COL4A4: variants seen among roughly 807,000 people sequenced by gnomAD.
The protein encoded by COL4A4 is collagen alpha-4(IV) chain.
Under a neutral mutation model 192.9 loss-of-function variants are expected in COL4A4, and 105 were observed. That is an observed-to-expected ratio of 0.54 (90% CI 0.46 to 0.64). COL4A4 has a LOEUF of 0.64. Ranked by LOEUF, COL4A4 falls within the 30% of genes least tolerant of loss-of-function variation. The pLI is 0.00. For synonymous variants in COL4A4, 762 were observed against 769.9 expected (o/e 0.99, Z 0.17); for missense variants, 1,967 against 2,169.3 (o/e 0.91, Z 1.85).
At chr2:227,035,385 A>G (rs946314493) in intron 37 of COL4A4, among the ~76,000 whole-genome samples, 63 of 152,214 alleles carry the variant, frequency 4.1e-4, no homozygotes, top group African/African-American at 1.4e-3. Context: ...ATTCATTTTA[A>G]GCAAGTCCTC....
At position 227,032,166 on chromosome 2, in the gene COL4A4, C is replaced by T. The variant is rs781360383; in HGVS notation, c.3688G>A (p.Gly1230Ser). 2 of 1,614,030 alleles carry T rather than the reference C, an allele frequency of 1.2e-6. No individual in the cohort carries two copies. Among genetic ancestry groups the T allele is most frequent in the Admixed American group, 1.7e-5 (1 of 59,992 alleles). ...AGCTTACCTGGGGGTCCTGGGGGAC[C>T]TTTCTTTCCACGAGGACCTGGAGGA... ...ISPPGPRGKK[G>S]PPGPPGSSGP... Residue 1230 changes from glycine to serine, a missense_variant, in exon 39 of 48, where the codon GGT becomes AGT. By Grantham distance (56) the Gly-to-Ser change is moderately conservative. Transcript: ENST00000396625.
chr2:227,100,773 T>C (rs1045137921), intron 17 of COL4A4, among the ~76,000 whole-genome samples: 1 of 148,934 alleles, frequency 6.7e-6, no homozygotes, highest in African/African-American at 2.5e-5. Context: ...TGGGAGGTGA[T>C]TGAATTATGG....
At chr2:227,001,270 A>AT (rs1960897745), downstream of COL4A4, among the ~76,000 whole-genome samples, 1 of 151,732 alleles carries the variant, frequency 6.6e-6, no homozygotes, top group East Asian at 1.9e-4. Context: ...AATTTTTTGT[A>AT]TTTTTAGTAG....
the COL4A4 span, among the ~76,000 whole-genome samples, chr2:226,976,925 A>G: frequency 1.3e-5 from 2 of 152,194 alleles, no homozygotes; most frequent in Admixed American, 6.5e-5. Flanking sequence ...TCCCATTGAA[A>G]GAGCCATTAT....
intron 1 of COL4A4, among the ~76,000 whole-genome samples, chr2:227,155,691 G>A (rs1336135569): frequency 2.0e-5 from 3 of 152,044 alleles, no homozygotes; most frequent in South Asian, 4.2e-4. Flanking sequence ...ACAATGTGAG[G>A]CTAGCATTTG....
rs1054110396 is a variant in COL4A4, at chr2:227,007,088, C to T, written c.*237G>A. ...AAGTAAAGCCAGTTCTTCGATCATC[C>T]TCAGTAAAATAAGAGTATCTAGGCT... On this transcript the variant is annotated 3_prime_UTR_variant, in exon 48 of 48. Coordinates refer to ENST00000396625, the MANE Select transcript of COL4A4 (RefSeq NM_000092.5). 2.4e-5 allele frequency: 15 copies of T among 620,088 alleles called. No individual in the cohort carries two copies. In the Admixed American group the frequency reaches 2.5e-4, roughly 10 times the overall value. The allele number at this position is 620,088 out of a possible 1,614,324, so 38.4% of individuals were successfully genotyped here. A position where few individuals can be genotyped will look rare whatever the true frequency, so the allele number is the denominator to read the frequency against.
At chr2:227,102,667 G>T (rs146141669) in intron 15 of COL4A4, 122 bp downstream of exon 15, 5 of 831,286 alleles carry the variant, frequency 6.0e-6, no homozygotes, top group Admixed American at 1.8e-5. Context: ...CGTCCAAAAT[G>T]TTTTGTTCTT....
chr2:226,980,938 C>T, the COL4A4 span, among the ~76,000 whole-genome samples: 5 of 152,198 alleles, frequency 3.3e-5, no homozygotes, highest in East Asian at 1.9e-4. Flanking sequence ...AATATCTCTC[C>T]GTAGCAGAGA....
At chr2:227,159,448 T>C (rs1275258327) in intron 1 of COL4A4, among the ~76,000 whole-genome samples, 2 of 152,236 alleles carry the variant, frequency 1.3e-5, no homozygotes, top group African/African-American at 4.8e-5. Context: ...ATTCCATGCT[T>C]TAAGTGGATG....
intron 36 of COL4A4, among the ~76,000 whole-genome samples, chr2:227,042,584 A>G (rs1971675637): frequency 6.6e-6 from 1 of 152,070 alleles, no homozygotes; most frequent in African/African-American, 2.4e-5. Flanking sequence ...AACAAACAAA[A>G]CAGCATCCTG....
At chr2:227,137,266 G>T (rs2062879530) in intron 4 of COL4A4, among the ~76,000 whole-genome samples, 1 of 152,178 alleles carries the variant, frequency 6.6e-6, no homozygotes, top group Non-Finnish European at 1.5e-5. Context: ...AGGACCAATG[G>T]GGGTACGTGC....
intron 26 of COL4A4, among the ~76,000 whole-genome samples, 185 bp from the exon 27 acceptor site, chr2:227,060,428 T>C (rs1976661273): frequency 6.6e-6 from 1 of 152,216 alleles, no homozygotes; most frequent in East Asian, 1.9e-4. Flanking sequence ...ATAAATGTTT[T>C]CTAGGAGTGA....
intron 22 of COL4A4, among the ~76,000 whole-genome samples, chr2:227,087,480 C>T (rs1305180639): frequency 6.6e-6 from 1 of 152,142 alleles, no homozygotes; most frequent in Non-Finnish European, 1.5e-5. Flanking sequence ...CTTCCAGTGG[C>T]TCAAACAAAA....
chr2:227,004,504 G>A lies in COL4A4; in HGVS notation c.*2821C>T, dbSNP rs1232696790. 2 of 152,242 alleles carry A rather than the reference G, an allele frequency of 1.3e-5. No individual in the cohort carries two copies. The highest frequency in any genetic ancestry group is 4.8e-5 in the African/African-American group (2 of 41,452). The allele number at this position is 152,242 out of a possible 1,614,324, so 9.4% of individuals were successfully genotyped here. Reference sequence around the variant, plus strand: ...AGTCACAGAAGGATTCTAATCCAGAGGGTGACAAAATCAAGTTTGGGTGGA... The same window carrying A: ...AGTCACAGAAGGATTCTAATCCAGAAGGTGACAAAATCAAGTTTGGGTGGA... On this transcript the variant is annotated 3_prime_UTR_variant, in exon 48 of 48. Transcript: ENST00000396625.
chr2:226,988,385 G>T, the COL4A4 span: 3 of 1,550,494 alleles, frequency 1.9e-6, no homozygotes, highest in Non-Finnish European at 1.7e-6. Context: ...CAAGATAAAG[G>T]TCAGAACAGA....
At position 227,104,047 on chromosome 2, in the gene COL4A4, C is replaced by T. The variant is rs759872208; in HGVS notation, c.741G>A (p.Glu247=). Residue 247 remains glutamate (E), a synonymous_variant, in exon 13 of 48, where the codon GAG becomes GAA. Transcript: ENST00000396625. ...GVKGQMGDPG[E]VGQQGSPGPT... ...GTCCAGGAGAACCTTGCTGACCAAC[C>T]TCACCCTTAAAAAAAAAAGCAAGAT... 6.2e-7 allele frequency: 1 copy of T among 1,612,126 alleles called. No homozygotes were observed. Among genetic ancestry groups the T allele is most frequent in the South Asian group, 1.1e-5 (1 of 90,976 alleles).
chr2:227,062,219 A>G (rs1255648436), intron 26 of COL4A4, among the ~76,000 whole-genome samples: 4 of 133,722 alleles, frequency 3.0e-5, no homozygotes, highest in African/African-American at 1.1e-4. Context: ...CCCGGGAGAC[A>G]AAGTGAGACT....
At position 227,119,952 on chromosome 2, in the gene COL4A4, A is replaced by C. The variant is rs1471360459; in HGVS notation, c.328-13T>G. 1.3e-6 allele frequency: 2 copies of C among 1,556,778 alleles called. No homozygotes were observed. Among genetic ancestry groups the C allele is most frequent in the Non-Finnish European group, 1.7e-6 (2 of 1,148,166 alleles). ...CACCAGTTGGACCCTAAAATCCCAG[A>C]AAATAAAACAAAGAGATAAAAATTA... On this transcript the variant is annotated splice_polypyrimidine_tract_variant and intron_variant, in intron 5 of 47. Transcript: ENST00000396625.
At chr2:227,099,786 T>C (rs1404317920) in intron 17 of COL4A4, 97 bp from the exon 18 acceptor site, 3 of 1,037,166 alleles carry the variant, frequency 2.9e-6, no homozygotes, top group Non-Finnish European at 4.4e-6. Flanking sequence ...TGCACATTCA[T>C]ATAAGAAGCA....
Sources: allele counts gnomAD v4.1 joint callset (sites outside exome capture counted in the v4.1 genomes callset), GRCh38; gene constraint gnomAD v4.1.1; transcripts MANE v1.5; gene names NCBI Gene and HGNC (gene_info 2026-07-23, HGNC 2026-07-21).